The following PACRG variants were observed in gnomAD, a reference collection of about 807,000 sequenced individuals.
PACRG encodes the protein parkin coregulated gene protein.
Under a neutral mutation model 29.7 loss-of-function variants are expected in PACRG, and 29 were observed. The ratio of observed to expected loss-of-function variants is 0.98; its 90% CI spans 0.73 to 1.33. PACRG has a LOEUF of 1.33. Among genes scored for constraint, PACRG ranks in the 40% most tolerant of loss-of-function variants. The probability of loss-of-function intolerance (pLI) is 0.00; values close to 1 mark genes in which losing one functional copy is unlikely to be tolerated. For synonymous variants in PACRG, 116 were observed against 118.7 expected, an observed-to-expected ratio of 0.98 and a Z score of 0.15; for missense variants, 279 against 316.2, an observed-to-expected ratio of 0.88 and a Z score of 0.89.
At chr6:162,757,100 T>C (rs190744545) in intron 1 of PACRG, among the ~76,000 whole-genome samples, 2 of 152,326 alleles carry the variant, frequency 1.3e-5, no homozygotes, top group Admixed American at 1.3e-4. Context: ...ATCAAAATTT[T>C]GTTATAGTTT....
intron 4 of PACRG, among the ~76,000 whole-genome samples, chr6:163,186,910 G>C (rs1207662467): frequency 6.6e-6 from 1 of 152,180 alleles, no homozygotes; most frequent in African/African-American, 2.4e-5. Context: ...GTTGTTTGGG[G>C]GCATCCACTC....
chr6:162,771,775 A>G (rs1783240530), intron 1 of PACRG, among the ~76,000 whole-genome samples: 1 of 152,186 alleles, frequency 6.6e-6, no homozygotes, highest in African/African-American at 2.4e-5. Flanking sequence ...TTTGATAGCT[A>G]TATACATCTA....
chr6:163,073,366 C>G (rs931084247), intron 3 of PACRG, among the ~76,000 whole-genome samples: 9 of 152,064 alleles, frequency 5.9e-5, no homozygotes, highest in African/African-American at 2.2e-4. Flanking sequence ...TGCTGGGAAA[C>G]CTGAATATCC....
intron 4 of PACRG, among the ~76,000 whole-genome samples, chr6:163,171,490 C>T (rs1401442072): frequency 2.0e-5 from 3 of 152,168 alleles, no homozygotes; most frequent in South Asian, 2.1e-4. Flanking sequence ...AAGCTCAGAG[C>T]GGTTAAGCAA....
chr6:163,283,883 G>T (rs1284908203), intron 4 of PACRG, among the ~76,000 whole-genome samples: 1 of 152,116 alleles, frequency 6.6e-6, no homozygotes, highest in African/African-American at 2.4e-5. Context: ...GGAGGCCAAG[G>T]CCGGTAGATC....
At chr6:163,287,390 C>T (rs1247864439) in intron 4 of PACRG, among the ~76,000 whole-genome samples, 6 of 152,112 alleles carry the variant, frequency 3.9e-5, no homozygotes, top group Admixed American at 2.0e-4. Context: ...CCCCAGAAGC[C>T]GGGGACCCTC....
At chr6:163,251,910 T>C (rs768746574) in intron 4 of PACRG, among the ~76,000 whole-genome samples, 1 of 152,160 alleles carries the variant, frequency 6.6e-6, no homozygotes, top group African/African-American at 2.4e-5. Flanking sequence ...CTTTCCATGG[T>C]TCTTCAAATG....
intron 2 of PACRG, among the ~76,000 whole-genome samples, chr6:162,939,431 C>T (rs1287715242): frequency 6.6e-6 from 1 of 152,142 alleles, no homozygotes; most frequent in African/African-American, 2.4e-5. Flanking sequence ...AGAGCTATTG[C>T]AGCCATTTAC....
chr6:162,906,585 A>G (rs1352170268), intron 2 of PACRG, among the ~76,000 whole-genome samples: 6 of 152,218 alleles, frequency 3.9e-5, no homozygotes, highest in South Asian at 2.1e-4. Context: ...AGCACTGATG[A>G]ATATGCCTTT....
At chr6:163,111,911 T>A (rs1366057610) in intron 4 of PACRG, 2 of 239,710 alleles carry the variant, frequency 8.3e-6, no homozygotes, top group Non-Finnish European at 6.7e-6. Context: ...TATATTTAAA[T>A]GCCTGAGGGG....
chr6:162,747,050 A>C (rs1249371900), intron 1 of PACRG, among the ~76,000 whole-genome samples: 1 of 151,960 alleles, frequency 6.6e-6, no homozygotes, highest in Non-Finnish European at 1.5e-5. Flanking sequence ...ATTGGATTGA[A>C]GGATGTAAAG....
At chr6:162,844,985 A>T (rs2128416319) in intron 2 of PACRG, among the ~76,000 whole-genome samples, 2 of 152,266 alleles carry the variant, frequency 1.3e-5, no homozygotes, top group Middle Eastern at 6.8e-3. Flanking sequence ...TCTGCCTAGT[A>T]TTAGAGAGTC....
In PACRG at chr6:163,071,809, G is replaced by A. The variant is rs117266696; in HGVS notation, c.463+9488G>A. Among the ~76,000 whole-genome samples, 622 of 151,574 alleles carry A rather than the reference G, an allele frequency of 4.1e-3. 28 individuals are homozygous for A. The East Asian group carries it at 0.097, about 24-fold the overall frequency. ...TGGTGGGTACAATAAGCAACTATATGCCAATAAATTGGAAAATCTAGAGGA... is the reference window on the plus strand; with the variant it reads ...TGGTGGGTACAATAAGCAACTATATACCAATAAATTGGAAAATCTAGAGGA... On this transcript the variant is annotated intron_variant, in intron 3 of 4. Coordinates refer to ENST00000366888, the MANE Select transcript of PACRG (RefSeq NM_001080379.2).
intron 4 of PACRG, among the ~76,000 whole-genome samples, chr6:163,293,999 G>T (rs1340043786): frequency 6.6e-6 from 1 of 152,044 alleles, no homozygotes; most frequent in Non-Finnish European, 1.5e-5. Flanking sequence ...AACCTAGCCT[G>T]ATAGCTCCAA....
rs568665734 is a variant in PACRG, at chr6:163,277,651, ATGTG to A, written c.614-37166_614-37163del. 7.0e-3 allele frequency among the ~76,000 whole-genome samples: 1,032 copies of A among 146,696 alleles called. 10 individuals carry two copies. The highest frequency in any genetic ancestry group is 0.025 in the African/African-American group (966 of 37,900). On this transcript the variant is annotated intron_variant, in intron 4 of 4. Transcript: ENST00000366888. ...TATACATACGTGTATATATATGTATATGTGTGTGTGTGTATATATATCTGTATCT... is the reference window on the plus strand; with the variant it reads ...TATACATACGTGTATATATATGTATATGTGTGTGTATATATATCTGTATCT...
At chr6:162,954,485 G>T (rs1470008074) in intron 2 of PACRG, among the ~76,000 whole-genome samples, 1 of 150,332 alleles carries the variant, frequency 6.7e-6, no homozygotes, top group Non-Finnish European at 1.5e-5. Context: ...AGAATTGGTT[G>T]CTCTAAATAT....
At position 162,969,046 on chromosome 6, in the gene PACRG, CAAAAA is replaced by C. The variant is rs35665491; in HGVS notation, c.292-93088_292-93084del. Among the ~76,000 whole-genome samples the C allele has an allele frequency of 9.6e-5, 7 of 72,830 alleles. 1 individual carries two copies. Among genetic ancestry groups the C allele is most frequent in the African/African-American group, 3.6e-4 (6 of 16,732 alleles). The allele number at this position is 72,830 out of a possible 152,430, so 47.8% of individuals were successfully genotyped here. ...TGGGGAACAGAGCGAGACTCTATCA[CAAAAA>C]AAAAAAAAAAAAAAAGTAACAGACT... On this transcript the variant is annotated intron_variant, in intron 2 of 4. Transcript: ENST00000366888.
chr6:163,100,854 TA>T (rs1815042121), intron 4 of PACRG: 1 of 983,912 alleles, frequency 1.0e-6, no homozygotes. Flanking sequence ...AAACTGCAAA[TA>T]TTATTGATAT....
chr6:163,134,934 C>T (rs763034461), intron 4 of PACRG, among the ~76,000 whole-genome samples: 33 of 152,066 alleles, frequency 2.2e-4, no homozygotes, highest in Admixed American at 5.9e-4. Context: ...CCTGTGGACC[C>T]CTCCTGTACT....
Sources: gnomAD v4.1 joint callset for allele counts (sites outside exome capture counted in the v4.1 genomes callset) on GRCh38, gnomAD v4.1.1 for gene constraint, MANE v1.5 for transcripts, NCBI Gene and HGNC (gene_info 2026-07-23, HGNC 2026-07-21) for gene names.